Variants in CTNND2 observed in about 807,000 individuals in gnomAD.
The protein encoded by CTNND2 is catenin delta 2.
Under a neutral mutation model 144.4 loss-of-function variants are expected in CTNND2, and 22 were observed. That is an observed-to-expected ratio of 0.15 (90% confidence interval 0.11 to 0.22). The LOEUF (loss-of-function observed/expected upper bound fraction) is 0.22. Ranked by LOEUF, CTNND2 falls within the 10% of genes least tolerant of loss-of-function variation. CTNND2 has a pLI of 1.00. For missense variants in CTNND2, 1,353 were observed against 1,618.8 expected, an observed-to-expected ratio of 0.84 and a Z score of 2.82; for synonymous variants, 751 against 695.6, an observed-to-expected ratio of 1.08 and a Z score of -1.25.
intron 17 of CTNND2, among the ~76,000 whole-genome samples, chr5:11,022,467 G>A (rs1343242017): frequency 6.6e-6 from 1 of 152,176 alleles, no homozygotes; most frequent in African/African-American, 2.4e-5. Flanking sequence ...GAGGGATGTA[G>A]AGACATCATC....
intron 15 of CTNND2, among the ~76,000 whole-genome samples, chr5:11,095,212 T>A (rs1751214748): frequency 6.6e-6 from 1 of 152,196 alleles, no homozygotes; most frequent in African/African-American, 2.4e-5. Flanking sequence ...ATACGGAACC[T>A]GCAAACTTAC....
chr5:11,129,925 A>C (rs1755395570), intron 12 of CTNND2, among the ~76,000 whole-genome samples: 1 of 152,192 alleles, frequency 6.6e-6, no homozygotes, highest in African/African-American at 2.4e-5. Context: ...GGTTAAATTT[A>C]CTTGAAAAGC....
chr5:11,239,836 A>G (rs1029460008), intron 9 of CTNND2, among the ~76,000 whole-genome samples: 1 of 152,164 alleles, frequency 6.6e-6, no homozygotes, highest in African/African-American at 2.4e-5. Flanking sequence ...CGCAATGCCC[A>G]GTGGAGGATG....
intron 1 of CTNND2, among the ~76,000 whole-genome samples, chr5:11,756,352 C>T (rs1240483559): frequency 6.6e-6 from 1 of 151,562 alleles, no homozygotes; most frequent in Non-Finnish European, 1.5e-5. Context: ...TCAATAATCA[C>T]CTCTAAGTAT....
intron 15 of CTNND2, among the ~76,000 whole-genome samples, chr5:11,091,764 T>C (rs762017398): frequency 2.0e-5 from 3 of 152,228 alleles, no homozygotes; most frequent in Non-Finnish European, 4.4e-5. Context: ...GATTTTCTTC[T>C]CTGGCTCTTG....
intron 8 of CTNND2, among the ~76,000 whole-genome samples, chr5:11,354,602 T>C (rs1755669474): frequency 6.6e-6 from 1 of 152,174 alleles, no homozygotes. Context: ...AAATAAATTT[T>C]AGAATAAAGA....
chr5:11,212,891 G>A (rs977289618), intron 10 of CTNND2, among the ~76,000 whole-genome samples: 1 of 152,170 alleles, frequency 6.6e-6, no homozygotes, highest in Non-Finnish European at 1.5e-5. Context: ...CATAAATGAG[G>A]AAATAAACAC....
intron 3 of CTNND2, among the ~76,000 whole-genome samples, chr5:11,491,438 C>A (rs1433332650): frequency 6.6e-6 from 1 of 152,182 alleles, no homozygotes; most frequent in African/African-American, 2.4e-5. Flanking sequence ...TTCTTAATAA[C>A]ATCCCCATTT....
intron 9 of CTNND2, among the ~76,000 whole-genome samples, chr5:11,260,525 T>C (rs1430485682): frequency 6.6e-6 from 1 of 152,252 alleles, no homozygotes; most frequent in Non-Finnish European, 1.5e-5. Flanking sequence ...TGTCCTAATC[T>C]GTTTTATATG....
chr5:11,589,282 A>AACACACAC (rs34009518), intron 2 of CTNND2, among the ~76,000 whole-genome samples: 22,925 of 146,514 alleles, frequency 0.16, 1,886 homozygotes, highest in Non-Finnish European at 0.19. Flanking sequence ...TTAACATTAA[A>AACACACAC]ACACACACAC....
At chr5:11,750,233 T>C (rs1353206853) in intron 1 of CTNND2, among the ~76,000 whole-genome samples, 2 of 151,950 alleles carry the variant, frequency 1.3e-5, no homozygotes, top group East Asian at 3.9e-4. Flanking sequence ...CTTGTTTTGG[T>C]TAAGGAATTA....
At chr5:11,287,286 T>C (rs1220793362) in intron 9 of CTNND2, among the ~76,000 whole-genome samples, 1 of 152,154 alleles carries the variant, frequency 6.6e-6, no homozygotes, top group Non-Finnish European at 1.5e-5. Flanking sequence ...ATCCAATCAG[T>C]TGAAGCCCTT....
At chr5:11,459,455 T>C (rs920460549) in intron 3 of CTNND2, among the ~76,000 whole-genome samples, 25 of 152,184 alleles carry the variant, frequency 1.6e-4, no homozygotes, top group Admixed American at 1.4e-3. Context: ...TCTTATTAAA[T>C]ACAATATATT....
At chr5:11,638,897 G>A (rs1213099924) in intron 2 of CTNND2, among the ~76,000 whole-genome samples, 6 of 152,132 alleles carry the variant, frequency 3.9e-5, no homozygotes, top group Non-Finnish European at 8.8e-5. Flanking sequence ...TTAGAACAAG[G>A]CAGGTTTCTT....
At chr5:11,516,888 A>T (rs1179344699) in intron 3 of CTNND2, among the ~76,000 whole-genome samples, 1 of 152,206 alleles carries the variant, frequency 6.6e-6, no homozygotes, top group East Asian at 1.9e-4. Flanking sequence ...CTTAAAAAAG[A>T]CTAAATTTTG....
intron 9 of CTNND2, among the ~76,000 whole-genome samples, chr5:11,337,677 C>T (rs16901515): frequency 0.031 from 4,740 of 151,990 alleles, 270 homozygotes; most frequent in East Asian, 0.16. Flanking sequence ...GACAACATTG[C>T]GGATAATTAT....
intron 3 of CTNND2, among the ~76,000 whole-genome samples, chr5:11,533,062 A>AG (rs1040687336): frequency 6.6e-6 from 1 of 152,204 alleles, no homozygotes; most frequent in East Asian, 1.9e-4. Flanking sequence ...GTGGCAGCCC[A>AG]GGGGGCGGAG....
chr5:11,322,523 C>A (rs1333563598), intron 9 of CTNND2, among the ~76,000 whole-genome samples: 1 of 152,152 alleles, frequency 6.6e-6, no homozygotes, highest in Non-Finnish European at 1.5e-5. Flanking sequence ...TCATTTCACT[C>A]TATATATAAA....
At chr5:11,265,423 G>A (rs1481346289) in intron 9 of CTNND2, among the ~76,000 whole-genome samples, 1 of 152,170 alleles carries the variant, frequency 6.6e-6, no homozygotes, top group African/African-American at 2.4e-5. Context: ...CCATGAGGGT[G>A]ATGTCCCACA....
Sources: gnomAD v4.1 joint callset for allele counts (sites outside exome capture counted in the v4.1 genomes callset) on GRCh38, gnomAD v4.1.1 for gene constraint, MANE v1.5 for transcripts, NCBI Gene and HGNC (gene_info 2026-07-23, HGNC 2026-07-21) for gene names.